The following MCU variants were observed in gnomAD, a reference collection of about 807,000 sequenced individuals.
The protein encoded by MCU is calcium uniporter protein, mitochondrial.
Under a neutral mutation model 45.2 loss-of-function variants are expected in MCU, and 12 were observed. The ratio of observed to expected loss-of-function variants is 0.27; its 90% CI spans 0.17 to 0.43. The LOEUF is 0.43. Ranked by LOEUF, MCU falls within the 20% of genes least tolerant of loss-of-function variation. The pLI is 1.00. For synonymous variants in MCU, 160 were observed against 165.1 expected, an observed-to-expected ratio of 0.97 and a Z score of 0.24; for missense variants, 324 against 436.7, an observed-to-expected ratio of 0.74 and a Z score of 2.30.
chr10:72,713,693 A>G (rs1842922475), intron 1 of MCU, among the ~76,000 whole-genome samples: 2 of 152,146 alleles, frequency 1.3e-5, no homozygotes, highest in South Asian at 2.1e-4. Flanking sequence ...ATCATTTTCA[A>G]ACAGAACCTC....
At chr10:72,805,323 A>G (rs1169963935) in intron 1 of MCU, among the ~76,000 whole-genome samples, 1 of 148,708 alleles carries the variant, frequency 6.7e-6, no homozygotes, top group East Asian at 2.0e-4. Flanking sequence ...GTCTTGGCTT[A>G]CTGCAACCTC....
At chr10:72,838,993 ATT>A (rs1363892026) in intron 2 of MCU, among the ~76,000 whole-genome samples, 3 of 141,036 alleles carry the variant, frequency 2.1e-5, no homozygotes, top group African/African-American at 2.6e-5. Flanking sequence ...CAAATCATCT[ATT>A]TTTTTTTTTT....
chr10:72,769,839 T>C (rs1843779352), intron 1 of MCU, among the ~76,000 whole-genome samples: 1 of 152,184 alleles, frequency 6.6e-6, no homozygotes, highest in African/African-American at 2.4e-5. Flanking sequence ...ATTTACCTAC[T>C]GTGGACATTT....
At chr10:72,699,219 A>G (rs1842725705) in intron 1 of MCU, among the ~76,000 whole-genome samples, 2 of 152,092 alleles carry the variant, frequency 1.3e-5, no homozygotes, top group African/African-American at 4.8e-5. Flanking sequence ...AAGAATCTTA[A>G]ACGTTTGCCA....
chr10:72,702,902 C>T (rs999921784), intron 1 of MCU, among the ~76,000 whole-genome samples: 6 of 151,186 alleles, frequency 4.0e-5, no homozygotes, highest in African/African-American at 1.2e-4. Context: ...TCACTTGAAC[C>T]GGGAGGCAGA....
chr10:72,795,659 A>G (rs1194480227), intron 1 of MCU, among the ~76,000 whole-genome samples: 1 of 152,100 alleles, frequency 6.6e-6, no homozygotes, highest in Non-Finnish European at 1.5e-5. Flanking sequence ...TGAGGCATCT[A>G]TTATGTGGTG....
At chr10:72,703,003 C>T (rs1251685461) in intron 1 of MCU, among the ~76,000 whole-genome samples, 2 of 147,152 alleles carry the variant, frequency 1.4e-5, no homozygotes, top group Non-Finnish European at 3.0e-5. Flanking sequence ...AAAAAAAAAG[C>T]AAACATTTGG....
chr10:72,743,854 A>T (rs1408142096), intron 1 of MCU, among the ~76,000 whole-genome samples: 1 of 152,104 alleles, frequency 6.6e-6, no homozygotes, highest in East Asian at 1.9e-4. Flanking sequence ...TTCTATATGA[A>T]ATTCTCTTGG....
chr10:72,705,465 T>G (rs1842807790), intron 1 of MCU, among the ~76,000 whole-genome samples: 1 of 151,966 alleles, frequency 6.6e-6, no homozygotes, highest in Admixed American at 6.6e-5. Context: ...GTGGATCACT[T>G]GAGGTCAGGA....
chr10:72,859,156 T>G, intron 2 of MCU, 21 bp from the exon 3 acceptor site: 2 of 1,551,000 alleles, frequency 1.3e-6, no homozygotes, highest in Non-Finnish European at 1.7e-6. Context: ...TATCATATGT[T>G]TGTGGGTCTT....
At chr10:72,777,693 T>C (rs1843916619) in intron 1 of MCU, among the ~76,000 whole-genome samples, 1 of 152,074 alleles carries the variant, frequency 6.6e-6, no homozygotes, top group South Asian at 2.1e-4. Flanking sequence ...CAAAAATAGG[T>C]ATGGAATTAC....
chr10:72,726,255 A>G (rs61864434), intron 1 of MCU, among the ~76,000 whole-genome samples: 13 of 60,290 alleles, frequency 2.2e-4, no homozygotes, highest in African/African-American at 7.1e-4. Context: ...ACACACACAC[A>G]CGTGTGTGTG....
In MCU at chr10:72,860,114, G is replaced by A. The variant is rs145496250; in HGVS notation, c.392-309G>A. On this transcript the variant is annotated intron_variant, in intron 3 of 7. Coordinates refer to ENST00000373053, the MANE Select transcript of MCU (RefSeq NM_138357.3). ...TTGACTCAACCAGCTTCCATTATAG[G>A]CAGTATTAAGCCCATACAGCTGTCC... 967 of 231,796 alleles carry A rather than the reference G, an allele frequency of 4.2e-3. 12 individuals are homozygous for A. Among genetic ancestry groups the A allele is most frequent in the African/African-American group, 0.021 (907 of 44,222 alleles). The allele number at this position is 231,796 out of a possible 1,614,324, so 14.4% of individuals were successfully genotyped here.
intron 1 of MCU, among the ~76,000 whole-genome samples, chr10:72,832,459 A>C (rs1023960675): frequency 6.6e-6 from 1 of 152,190 alleles, no homozygotes; most frequent in Non-Finnish European, 1.5e-5. Flanking sequence ...ACGTGCAGGG[A>C]TTGTGTTCCT....
chr10:72,810,270 G>A (rs1844519598), intron 1 of MCU, among the ~76,000 whole-genome samples: 1 of 152,022 alleles, frequency 6.6e-6, no homozygotes, highest in African/African-American at 2.4e-5. Context: ...GAGGAATTGT[G>A]AGGGTGAATT....
chr10:72,716,334 A>G (rs1327122584), intron 1 of MCU, among the ~76,000 whole-genome samples: 1 of 152,264 alleles, frequency 6.6e-6, no homozygotes, highest in African/African-American at 2.4e-5. Flanking sequence ...AAACCAGGAA[A>G]GTCAAGACCT....
chr10:72,823,282 GC>G (rs1455965926), intron 1 of MCU, among the ~76,000 whole-genome samples: 1 of 152,162 alleles, frequency 6.6e-6, no homozygotes, highest in Non-Finnish European at 1.5e-5. Flanking sequence ...CACAAATTGG[GC>G]CCCGTGCATG....
At chr10:72,828,151 T>G (rs957883239) in intron 1 of MCU, among the ~76,000 whole-genome samples, 1 of 152,186 alleles carries the variant, frequency 6.6e-6, no homozygotes, top group African/African-American at 2.4e-5. Flanking sequence ...ACTCTGGTCT[T>G]AGAAAAGAAA....
intron 1 of MCU, among the ~76,000 whole-genome samples, chr10:72,761,280 T>C (rs904811596): frequency 3.9e-5 from 6 of 152,198 alleles, no homozygotes; most frequent in African/African-American, 1.4e-4. Flanking sequence ...TTGAGTTGTA[T>C]GTGGAACCAA....
Sources: allele counts gnomAD v4.1 joint callset (sites outside exome capture counted in the v4.1 genomes callset), GRCh38; gene constraint gnomAD v4.1.1; transcripts MANE v1.5; gene names NCBI Gene and HGNC (gene_info 2026-07-23, HGNC 2026-07-21).